ZFP64: variants seen among roughly 807,000 people sequenced by gnomAD.
ZFP64 encodes zinc finger protein 64.
In ZFP64, 14 loss-of-function variants were observed where a neutral mutation model predicts 51.6. The ratio of observed to expected loss-of-function variants is 0.27; its 90% CI spans 0.18 to 0.42. The LOEUF is 0.42. ZFP64 is among the 10% of genes least tolerant of loss of function. The pLI is 1.00. For missense variants in ZFP64, 754 were observed against 906.8 expected (o/e 0.83, Z 2.16); for synonymous variants, 375 against 361.4 (o/e 1.04, Z -0.43).
intron 5 of ZFP64, among the ~76,000 whole-genome samples, chr20:52,142,014 C>G (rs144683565): frequency 1.2e-4 from 19 of 152,222 alleles, no homozygotes; most frequent in African/African-American, 4.1e-4. Context: ...CATGGGCATA[C>G]AGTGTGGAAT....
At chr20:52,087,865 G>T (rs942822694) in intron 8 of ZFP64, among the ~76,000 whole-genome samples, 2 of 152,132 alleles carry the variant, frequency 1.3e-5, no homozygotes, top group African/African-American at 4.8e-5. Flanking sequence ...CTATGTTCCT[G>T]TCTGCTCACC....
At chr20:52,101,921 C>T (rs1279651176) in intron 5 of ZFP64, among the ~76,000 whole-genome samples, 1 of 136,960 alleles carries the variant, frequency 7.3e-6, no homozygotes, top group East Asian at 2.1e-4. Context: ...ACAGTGAAAC[C>T]TGTCTCTACT....
intron 7 of ZFP64, among the ~76,000 whole-genome samples, chr20:52,089,754 A>G (rs1458084113): frequency 6.6e-6 from 1 of 151,958 alleles, no homozygotes; most frequent in Non-Finnish European, 1.5e-5. Context: ...AAAAAAAAAA[A>G]AAAAATGAAC....
chr20:52,125,851 T>A (rs1979421179), intron 5 of ZFP64, among the ~76,000 whole-genome samples: 1 of 152,098 alleles, frequency 6.6e-6, no homozygotes, highest in African/African-American at 2.4e-5. Context: ...GACTGCCTAC[T>A]GTGTGCGAGG....
At chr20:52,138,354 A>G (rs1980084269) in intron 5 of ZFP64, among the ~76,000 whole-genome samples, 1 of 152,184 alleles carries the variant, frequency 6.6e-6, no homozygotes, top group Admixed American at 6.5e-5. Context: ...ATGGAAGTGA[A>G]TAATAGCACA....
At chr20:52,125,102 C>A (rs2066077382) in intron 5 of ZFP64, among the ~76,000 whole-genome samples, 2 of 152,178 alleles carry the variant, frequency 1.3e-5, no homozygotes, top group South Asian at 4.1e-4. Context: ...GGGCTGAGCT[C>A]ACAGCAATGA....
chr20:52,092,875 A>C (rs1428504687), intron 7 of ZFP64, among the ~76,000 whole-genome samples: 1 of 152,292 alleles, frequency 6.6e-6, no homozygotes, highest in Non-Finnish European at 1.5e-5. Context: ...AAAAAAACTG[A>C]AACAAAACAG....
In ZFP64 at chr20:52,085,159, A is replaced by T; in HGVS notation, c.1336T>A (p.Phe446Ile). 3 of 1,614,126 alleles carry T rather than the reference A, an allele frequency of 1.9e-6. No individual in the cohort carries two copies. The highest frequency in any genetic ancestry group is 1.7e-4 in the Middle Eastern group (1 of 6,060). ...TTCATGGTGCAGCGGACGTCGCAGA[A>T]CTCGCACTTGAAAGGCTTCTCCCCC... is the stretch of plus-strand genomic sequence containing the variant. The change falls in exon 9 of 9, where the codon TTC becomes ATC. Residue 446 changes from phenylalanine to isoleucine, a missense_variant. Phe to Ile is a conservative substitution (Grantham distance 21). Coordinates refer to the ZFP64 transcript ENST00000361387. This position sits in a 1 kb window ranked among gnomAD's most constrained non-coding sequence, Gnocchi z 4.3.
At chr20:52,136,842 C>CTGCAT (rs1243948157) in intron 5 of ZFP64, among the ~76,000 whole-genome samples, 6 of 152,170 alleles carry the variant, frequency 3.9e-5, no homozygotes, top group Non-Finnish European at 8.8e-5. Context: ...TCTCGGCTCA[C>CTGCAT]TGCAACCTCT....
In ZFP64 at chr20:52,185,155, C is replaced by T. The variant is rs199608068; in HGVS notation, c.286+1677G>A. ...TCTCCTGCCTTAGCCTTCCGAGTAG[C>T]TGGGATTACAGGCACGTGACACCAC... On this transcript the variant is annotated intron_variant, in intron 2 of 5. Transcript: ENST00000216923. 9.2e-5 allele frequency among the ~76,000 whole-genome samples: 14 copies of T among 152,296 alleles called. No homozygotes were observed. The East Asian group carries it at 2.5e-3, about 27-fold the overall frequency.
intron 2 of ZFP64, among the ~76,000 whole-genome samples, chr20:52,183,679 C>A (rs1458504815): frequency 6.6e-6 from 1 of 152,080 alleles, no homozygotes. Context: ...TCTCAACATA[C>A]TTTTGTTAAG....
chr20:52,186,289 C>T (rs898367776), intron 2 of ZFP64, among the ~76,000 whole-genome samples: 19 of 152,106 alleles, frequency 1.2e-4, no homozygotes, highest in Admixed American at 7.9e-4. Flanking sequence ...TTATGGTTTT[C>T]TTATGCACAT....
At position 52,096,112 on chromosome 20, in the gene ZFP64, A is replaced by G. The variant is rs555054156; in HGVS notation, c.976+1261T>C. Among the ~76,000 whole-genome samples, 4 of 152,348 alleles carry G rather than the reference A, an allele frequency of 2.6e-5. 1 individual carries two copies. Among genetic ancestry groups the G allele is most frequent in the African/African-American group, 9.6e-5 (4 of 41,584 alleles). ...GCACAGTGCCCATCTTTCTGGACAG[A>G]GACCACCATCTTTGTCCAGAAATCT... On this transcript the variant is annotated intron_variant, in intron 7 of 8. Coordinates refer to the ZFP64 transcript ENST00000361387.
chr20:52,167,750 T>C (rs1355467669), intron 2 of ZFP64, among the ~76,000 whole-genome samples: 1 of 152,192 alleles, frequency 6.6e-6, no homozygotes, highest in African/African-American at 2.4e-5. Flanking sequence ...ATATTCTGTT[T>C]CCCAAACTTC....
intron 2 of ZFP64, among the ~76,000 whole-genome samples, chr20:52,174,482 CAAAAAAAAAAA>C (rs386393988): frequency 3.6e-5 from 2 of 56,026 alleles, no homozygotes; most frequent in Non-Finnish European, 6.7e-5. Flanking sequence ...GGCTCCATCT[CAAAAAAAAAAA>C]AAAAAAAAAA....
Position 52,092,813 on chromosome 20 carries a change from A to C in ZFP64, c.977-4170T>G, listed in dbSNP as rs755595051. Among the ~76,000 whole-genome samples the C allele has an allele frequency of 3.2e-4, 49 of 152,190 alleles. 1 individual carries two copies. Among genetic ancestry groups the C allele is most frequent in the Non-Finnish European group, 5.0e-4 (34 of 68,040 alleles). On this transcript the variant is annotated intron_variant, in intron 7 of 8. Coordinates refer to the ZFP64 transcript ENST00000361387. ...ATAAGTTGCAGTAAGCCAAGAGTGC[A>C]CCACTGTACTCCAGCCTGGGTAAGA...
intron 5 of ZFP64, among the ~76,000 whole-genome samples, chr20:52,102,862 A>C (rs2079068469): frequency 6.6e-6 from 1 of 152,222 alleles, no homozygotes; most frequent in Non-Finnish European, 1.5e-5. Context: ...TGTATTAGTC[A>C]ATACTGTATA....
intron 7 of ZFP64, among the ~76,000 whole-genome samples, chr20:52,094,795 C>G (rs2078969378): frequency 6.6e-6 from 1 of 152,104 alleles, no homozygotes; most frequent in Non-Finnish European, 1.5e-5. Flanking sequence ...ATTTGAAATA[C>G]AACCACTATT....
At chr20:52,088,752 A>G in intron 7 of ZFP64, 1 of 1,383,418 alleles carries the variant, frequency 7.2e-7, no homozygotes, top group Non-Finnish European at 1.0e-6. Flanking sequence ...CCTCCTGTCC[A>G]AATACTGAGA....
Sources: gnomAD v4.1 joint callset for allele counts (sites outside exome capture counted in the v4.1 genomes callset) on GRCh38, gnomAD v4.1.1 for gene constraint, Gnocchi (gnomAD v3.1) non-coding constraint, MANE v1.5 for transcripts, NCBI Gene and HGNC (gene_info 2026-07-23, HGNC 2026-07-21) for gene names.